VTI1A: variants seen among roughly 807,000 people sequenced by gnomAD.
VTI1A encodes the protein vesicle transport through interaction with t-SNAREs 1A.
A neutral mutation model predicts 34.9 loss-of-function variants in VTI1A; 22 were observed. The observed-to-expected ratio is 0.63, with a 90% CI of 0.45 to 0.90. The LOEUF is 0.90. Among genes scored for constraint, VTI1A ranks in the 40% least tolerant of loss-of-function variants. VTI1A has a pLI of 0.00. For missense variants in VTI1A, 268 were observed against 275.6 expected (o/e 0.97, Z 0.20); for synonymous variants, 87 against 97.3 (o/e 0.89, Z 0.62).
Position 112,548,967 on chromosome 10 carries a change from CTCT to C in VTI1A, c.427+10644_427+10646del, listed in dbSNP as rs370014782. On this transcript the variant is annotated intron_variant, in intron 5 of 7. Transcript: ENST00000393077. ...CCTCATAATTATATCTTTCTTTCTTCTCTTCTTCTCCTTCCCTGCCCTCCTGCC... is the reference window on the plus strand; with the variant it reads ...CCTCATAATTATATCTTTCTTTCTTCTCTTCTCCTTCCCTGCCCTCCTGCC... The C allele has an allele frequency of 5.4e-4, 361 of 662,610 alleles. No individual in the cohort carries two copies. The African/African-American group carries it at 5.9e-3, about 11-fold the overall frequency. 41.0% of individuals were successfully genotyped at this position (662,610 alleles called of 1,614,324 possible).
chr10:112,709,497 C>A (rs1174393156), intron 7 of VTI1A, among the ~76,000 whole-genome samples: 1 of 151,972 alleles, frequency 6.6e-6, no homozygotes, highest in Non-Finnish European at 1.5e-5. Context: ...CGGAACTGCT[C>A]CCTGCCTACC....
intron 5 of VTI1A, among the ~76,000 whole-genome samples, chr10:112,578,997 G>A (rs1327144810): frequency 6.6e-6 from 1 of 152,142 alleles, no homozygotes; most frequent in Non-Finnish European, 1.5e-5. Flanking sequence ...ACCATTTAAG[G>A]ATCTTTATAG....
intron 1 of VTI1A, among the ~76,000 whole-genome samples, chr10:112,454,461 G>T (rs764657721): frequency 2.0e-5 from 3 of 152,012 alleles, no homozygotes; most frequent in Non-Finnish European, 2.9e-5. Flanking sequence ...AACTAGCTGG[G>T]CATAGTGGCA....
intron 7 of VTI1A, among the ~76,000 whole-genome samples, chr10:112,687,289 A>AGTG (rs1465058442): frequency 1.6e-5 from 2 of 121,638 alleles, no homozygotes; most frequent in African/African-American, 6.7e-5. Flanking sequence ...GCCGGAGTGC[A>AGTG]GTGGCGCGAT....
At chr10:112,508,572 T>C (rs2134172927) in intron 3 of VTI1A, among the ~76,000 whole-genome samples, 1 of 152,348 alleles carries the variant, frequency 6.6e-6, no homozygotes, top group Middle Eastern at 3.4e-3. Flanking sequence ...TCCCACTTAA[T>C]ATGACAACCA....
chr10:112,601,674 T>A (rs1008006739), intron 5 of VTI1A, among the ~76,000 whole-genome samples: 1 of 152,156 alleles, frequency 6.6e-6, no homozygotes, highest in Non-Finnish European at 1.5e-5. Flanking sequence ...TACGAATTCA[T>A]CTCATTCCAT....
chr10:112,723,539 C>T (rs923922546), intron 7 of VTI1A, among the ~76,000 whole-genome samples: 1 of 152,172 alleles, frequency 6.6e-6, no homozygotes, highest in African/African-American at 2.4e-5. Context: ...CTGGGAAAGG[C>T]ATGTACTGCA....
intron 7 of VTI1A, among the ~76,000 whole-genome samples, chr10:112,774,435 G>C (rs1851899106): frequency 6.6e-6 from 1 of 152,084 alleles, no homozygotes; most frequent in South Asian, 2.1e-4. Context: ...TCTGAACTTT[G>C]GTCTTCCCAC....
At chr10:112,830,021 G>A in the VTI1A span, among the ~76,000 whole-genome samples, 3 of 152,246 alleles carry the variant, frequency 2.0e-5, no homozygotes, top group East Asian at 5.8e-4. Context: ...TAACTCACCT[G>A]TGCTCTCCCA....
rs761224361 is a variant in VTI1A, at chr10:112,815,508, G to A, written c.*125G>A. 25 of 798,772 alleles carry A rather than the reference G, an allele frequency of 3.1e-5. No individual in the cohort carries two copies. Among genetic ancestry groups the A allele is most frequent in the Admixed American group, 1.1e-4 (5 of 47,486 alleles). 49.5% of individuals were successfully genotyped at this position (798,772 alleles called of 1,614,324 possible). A position where few individuals can be genotyped will look rare whatever the true frequency, so the allele number is the denominator to read the frequency against. The stretch of plus-strand genomic sequence containing the variant: ...GTGACCCTCTCTCTCCCTCACCGCC[G>A]TTGGGCTGAAGTGCAAAGAGTGTAA... On this transcript the variant is annotated 3_prime_UTR_variant, in exon 8 of 8. Coordinates refer to ENST00000393077, the MANE Select transcript of VTI1A (RefSeq NM_145206.4).
intron 5 of VTI1A, among the ~76,000 whole-genome samples, chr10:112,602,604 T>C (rs1381958543): frequency 6.6e-6 from 1 of 152,252 alleles, no homozygotes; most frequent in East Asian, 1.9e-4. Flanking sequence ...ATGTTTTTAA[T>C]ATACAAATAT....
chr10:112,518,648 C>CGT (rs1459190645), intron 3 of VTI1A, among the ~76,000 whole-genome samples: 617 of 56,360 alleles, frequency 0.011, 9 homozygotes, highest in South Asian at 0.09. Context: ...TGTGTATATA[C>CGT]GTGTATATAT....
At chr10:112,775,342 T>C (rs1325871275) in intron 7 of VTI1A, among the ~76,000 whole-genome samples, 1 of 152,224 alleles carries the variant, frequency 6.6e-6, no homozygotes, top group Non-Finnish European at 1.5e-5. Context: ...GTTGTCCCAG[T>C]GCAGGCCCAA....
intron 3 of VTI1A, among the ~76,000 whole-genome samples, chr10:112,465,996 T>C (rs1847882679): frequency 6.6e-6 from 1 of 152,072 alleles, no homozygotes; most frequent in Admixed American, 6.6e-5. Context: ...CACAGGAAAT[T>C]AGGTTTTCAG....
intron 5 of VTI1A, among the ~76,000 whole-genome samples, chr10:112,557,852 C>T (rs1263284511): frequency 6.6e-6 from 1 of 152,146 alleles, no homozygotes; most frequent in Admixed American, 6.5e-5. Context: ...CTCCAGGGCT[C>T]CACCATGTAG....
chr10:112,611,395 AT>A (rs1205428974), intron 5 of VTI1A, among the ~76,000 whole-genome samples: 2 of 152,166 alleles, frequency 1.3e-5, no homozygotes, highest in Non-Finnish European at 2.9e-5. Flanking sequence ...GTTCTGATTG[AT>A]TGTCCATGCT....
intron 7 of VTI1A, among the ~76,000 whole-genome samples, chr10:112,700,846 A>G (rs562805359): frequency 1.5e-4 from 23 of 152,356 alleles, no homozygotes; most frequent in African/African-American, 5.3e-4. Context: ...AATTAAGTCC[A>G]AGTTTCATCT....
intron 3 of VTI1A, among the ~76,000 whole-genome samples, chr10:112,477,603 A>G (rs1223201090): frequency 6.6e-6 from 1 of 152,280 alleles, no homozygotes; most frequent in Non-Finnish European, 1.5e-5. Context: ...CTGCAATTGC[A>G]TTATTAAAAT....
At chr10:112,629,941 A>G (rs918005766) in intron 5 of VTI1A, among the ~76,000 whole-genome samples, 22 of 152,152 alleles carry the variant, frequency 1.4e-4, no homozygotes, top group Non-Finnish European at 7.3e-5. Context: ...TTAAACGAAG[A>G]TGATTTTTCA....
Sources: gnomAD v4.1 joint callset for allele counts (sites outside exome capture counted in the v4.1 genomes callset) on GRCh38, gnomAD v4.1.1 for gene constraint, MANE v1.5 for transcripts, NCBI Gene and HGNC (gene_info 2026-07-23, HGNC 2026-07-21) for gene names.